SNX22: variants seen among roughly 807,000 people sequenced by gnomAD.
SNX22 encodes the protein sorting nexin 22, also known as sorting nexin-22.
SNX22 carries 23 observed loss-of-function variants against 24.7 expected under a neutral mutation model. The ratio of observed to expected loss-of-function variants is 0.93; its 90% confidence interval spans 0.67 to 1.32. The LOEUF (loss-of-function observed/expected upper bound fraction) is 1.32. SNX22 is among the 40% of genes most tolerant of loss of function. The pLI is 0.00. For synonymous variants in SNX22, 99 were observed against 104.0 expected, an observed-to-expected ratio of 0.95 and a Z score of 0.29; for missense variants, 261 against 249.9, an observed-to-expected ratio of 1.04 and a Z score of -0.30.
chr15:64,152,204 G>A (rs868793889), intron 1 of SNX22, 39 bp from the exon 2 acceptor site: 13 of 1,373,558 alleles, frequency 9.5e-6, no homozygotes, highest in Middle Eastern at 2.5e-4. Context: ...CCTCCCGCGG[G>A]GCCTCACGCG....
chr15:64,152,778 C>T lies in SNX22; in HGVS notation c.264+36C>T, dbSNP rs2081496904. 1.9e-6 allele frequency: 3 copies of T among 1,587,606 alleles called. 1 individual carries two copies. In the South Asian group the frequency reaches 3.3e-5, roughly 18 times the overall value. On this transcript the variant is annotated intron_variant, in intron 3 of 6. Transcript: ENST00000325881. ...GCACAGTTGGTTGCCCCCCGGCCTTCTGTGCCAGGGGTGTGGCCCAGACAG... is the reference window on the plus strand; with the variant it reads ...GCACAGTTGGTTGCCCCCCGGCCTTTTGTGCCAGGGGTGTGGCCCAGACAG...
Position 64,156,029 on chromosome 15 carries a change from C to T in SNX22, c.*1521C>T. The T allele has an allele frequency of 1.2e-6, 2 of 1,614,188 alleles. No individual in the cohort carries two copies. The highest frequency in any genetic ancestry group is 1.7e-6 in the Non-Finnish European group (2 of 1,180,032). ...AGAAAGATGTCCCTGTGCCCTACTC[C>T]TTGGCGATGGCAAAGGGCTTCTCCA... On this transcript the variant is annotated 3_prime_UTR_variant, in exon 7 of 7. Transcript: ENST00000325881. The surrounding 1 kb of genome is among the most constrained non-coding windows in gnomAD (Gnocchi z 6.4).
Position 64,151,976 on chromosome 15 carries a change from C to A in SNX22, c.75+126C>A, listed in dbSNP as rs1373676214. ...CTGCGGGCTGGACCGTCGGGGGAAA[C>A]CTTGTCGAGGGTTTGGGGGCCGCTT... On this transcript the variant is annotated intron_variant, in intron 1 of 6. Transcript: ENST00000325881. The A allele has an allele frequency of 4.9e-6, 5 of 1,023,710 alleles. No individual in the cohort carries two copies. The Admixed American group carries it at 1.7e-4, about 34-fold the overall frequency. The allele number at this position is 1,023,710 out of a possible 1,614,324, so 63.4% of individuals were successfully genotyped here. A position where few individuals can be genotyped will look rare whatever the true frequency, so the allele number is the denominator to read the frequency against.
chr15:64,153,401 T>C, intron 4 of SNX22, 62 bp downstream of exon 4: 1 of 1,606,486 alleles, frequency 6.2e-7, no homozygotes. Context: ...GGAAAGGTGT[T>C]GGAGGGCAAG....
Position 64,156,588 on chromosome 15 carries a change from TG to T in SNX22, c.*2082del. 9.3e-7 allele frequency: 1 copy of T among 1,076,570 alleles called. No homozygotes were observed. Among genetic ancestry groups the T allele is most frequent in the Non-Finnish European group, 1.4e-6 (1 of 694,546 alleles). The allele number at this position is 1,076,570 out of a possible 1,614,324, so 66.7% of individuals were successfully genotyped here. A position where few individuals can be genotyped will look rare whatever the true frequency, so the allele number is the denominator to read the frequency against. ...AGGCATGGAGGTACAGGGTTTATTCTGGACAGGAGCACTGGGCTGCATCTGT... is the reference window on the plus strand; with the variant it reads ...AGGCATGGAGGTACAGGGTTTATTCTGACAGGAGCACTGGGCTGCATCTGT... On this transcript the variant is annotated 3_prime_UTR_variant, in exon 7 of 7. Coordinates refer to ENST00000325881, the MANE Select transcript of SNX22 (RefSeq NM_024798.3). This position sits in a 1 kb window ranked among gnomAD's most constrained non-coding sequence, Gnocchi z 6.4.
chr15:64,154,364 A>C (rs1223924524), intron 6 of SNX22, 23 bp from the exon 7 acceptor site: 3 of 1,613,950 alleles, frequency 1.9e-6, no homozygotes, highest in Admixed American at 3.3e-5. Flanking sequence ...CTGAGGCCAG[A>C]CCTGTTTAAT....
chr15:64,152,717 G>A lies in SNX22; in HGVS notation c.239G>A (p.Arg80Gln), dbSNP rs1169536391. 3 of 1,614,198 alleles carry A rather than the reference G, an allele frequency of 1.9e-6. No homozygotes were observed. The highest frequency in any genetic ancestry group is 2.5e-6 in the Non-Finnish European group (3 of 1,180,024). Reference sequence around the variant, plus strand: ...AGGACCAGAGGGTTGGAACAGCGCCGGCAGGGCTTGGAGGCTTACATCCAG... The same window carrying A: ...AGGACCAGAGGGTTGGAACAGCGCCAGCAGGGCTTGGAGGCTTACATCCAG... ...NWRTRGLEQR[R>Q]QGLEAYIQGI... Residue 80 changes from arginine (R) to glutamine (Q), a missense_variant, in exon 3 of 7, where the codon CGG (arginine) becomes CAG (glutamine). Arg to Gln is a conservative substitution (Grantham distance 43). Coordinates refer to ENST00000325881, the MANE Select transcript of SNX22 (RefSeq NM_024798.3).
chr15:64,154,852 C>A lies in SNX22; in HGVS notation c.*344C>A. The A allele has an allele frequency of 5.6e-6, 1 of 178,690 alleles. No individual in the cohort carries two copies. Among genetic ancestry groups the A allele is most frequent in the Non-Finnish European group, 1.2e-5 (1 of 84,870 alleles). 11.1% of individuals were successfully genotyped at this position (178,690 alleles called of 1,614,324 possible). On this transcript the variant is annotated 3_prime_UTR_variant, in exon 7 of 7. Transcript: ENST00000325881. ...CAGGAGTTCGAGACCAGCCTGACCA[C>A]CATGGAGAAACCCCGTCTCTACTAA...
chr15:64,154,298 C>CT, intron 6 of SNX22, 89 bp from the exon 7 acceptor site: 1 of 1,589,346 alleles, frequency 6.3e-7, no homozygotes, highest in Non-Finnish European at 8.6e-7. Flanking sequence ...TTGGCAGGGG[C>CT]TCCTACTCCC....
Position 64,155,510 on chromosome 15 carries a change from CAA to C in SNX22, c.*1025_*1026del, listed in dbSNP as rs3056904. The C allele has an allele frequency of 1.9e-3, 233 of 124,564 alleles. No homozygotes were observed. Among genetic ancestry groups the C allele is most frequent in the South Asian group, 0.015 (61 of 4,192 alleles). 7.7% of individuals were successfully genotyped at this position (124,564 alleles called of 1,614,324 possible). A position where few individuals can be genotyped will look rare whatever the true frequency, so the allele number is the denominator to read the frequency against. ...GCAACATAGTGAGACCTGTCTCTAC[CAA>C]AAAAAAAAAAAAAAAAAAAAAATCA... On this transcript the variant is annotated 3_prime_UTR_variant, in exon 7 of 7. Transcript: ENST00000325881.
In SNX22 at chr15:64,152,622, G is replaced by A. The variant is rs1387127328; in HGVS notation, c.160-16G>A. ...CAGTCGGGATGCTGTGATCGCACGCGGTAAACCTCCAGTAGATCAAGAAGC... is the reference window on the plus strand; with the variant it reads ...CAGTCGGGATGCTGTGATCGCACGCAGTAAACCTCCAGTAGATCAAGAAGC... On this transcript the variant is annotated splice_polypyrimidine_tract_variant and intron_variant, in intron 2 of 6. Coordinates refer to ENST00000325881, the MANE Select transcript of SNX22 (RefSeq NM_024798.3). 6.2e-7 allele frequency: 1 copy of A among 1,612,066 alleles called. No homozygotes were observed. Among genetic ancestry groups the A allele is most frequent in the Non-Finnish European group, 8.5e-7 (1 of 1,178,366 alleles).
At position 64,157,024 on chromosome 15, in the gene SNX22, G is replaced by A. The variant is rs2081538406; in HGVS notation, c.*2516G>A. The A allele has an allele frequency of 1.8e-6, 2 of 1,090,720 alleles. No homozygotes were observed. Among genetic ancestry groups the A allele is most frequent in the South Asian group, 1.5e-5 (1 of 66,688 alleles). The allele number at this position is 1,090,720 out of a possible 1,614,324, so 67.6% of individuals were successfully genotyped here. On this transcript the variant is annotated 3_prime_UTR_variant, in exon 7 of 7. Coordinates refer to ENST00000325881, the MANE Select transcript of SNX22 (RefSeq NM_024798.3). This position sits in a 1 kb window ranked among gnomAD's most constrained non-coding sequence, Gnocchi z 4.2. Reference sequence around the variant, plus strand: ...CCTCTGTGCCAGGCTAGGCTGGAGTGGACTACAAGGACATAAAAGCAGCGT... The same window carrying A: ...CCTCTGTGCCAGGCTAGGCTGGAGTAGACTACAAGGACATAAAAGCAGCGT...
At position 64,156,131 on chromosome 15, in the gene SNX22, C is replaced by T. The variant is rs775006610; in HGVS notation, c.*1623C>T. The stretch of plus-strand genomic sequence containing the variant: ...GGCTGTCTGTCTTGGTGCTCTCCAC[C>T]TTCCGCACCACCTCCTGGAAAAGAA... On this transcript the variant is annotated 3_prime_UTR_variant, in exon 7 of 7. Coordinates refer to ENST00000325881, the MANE Select transcript of SNX22 (RefSeq NM_024798.3). This position sits in a 1 kb window ranked among gnomAD's most constrained non-coding sequence, Gnocchi z 6.4. 1.9e-6 allele frequency: 3 copies of T among 1,614,210 alleles called. No individual in the cohort carries two copies. Among genetic ancestry groups the T allele is most frequent in the Admixed American group, 3.3e-5 (2 of 60,034 alleles).
intron 2 of SNX22, 128 bp downstream of exon 2, chr15:64,152,454 C>T: frequency 8.0e-7 from 1 of 1,255,388 alleles, no homozygotes; most frequent in South Asian, 1.3e-5. Flanking sequence ...CCTGCGCAGC[C>T]GGTCAGCCCC....
At chr15:64,154,086 TC>T in intron 6 of SNX22, 84 bp downstream of exon 6, 1 of 1,612,972 alleles carries the variant, frequency 6.2e-7, no homozygotes. Context: ...AGACAGCATC[TC>T]CTTCCTGCTG....
At position 64,151,799 on chromosome 15, in the gene SNX22, G is replaced by GGTGGGGCCCGAGGCC. The variant is rs1262509483; in HGVS notation, c.26_40dup (p.Val9_Ala13dup). The GGTGGGGCCCGAGGCC allele has an allele frequency of 7.3e-5, 112 of 1,538,048 alleles. No homozygotes were observed. The highest frequency in any genetic ancestry group is 9.1e-5 in the Non-Finnish European group (104 of 1,144,216). On this transcript the variant is annotated inframe_insertion, in exon 1 of 7. Transcript: ENST00000325881. ...GGATGCTGGAAGTTCACATCCCGTC[G>GGTGGGGCCCGAGGCC]GTGGGGCCCGAGGCCGAGGGGCCCA... is the stretch of plus-strand genomic sequence containing the variant.
chr15:64,154,464 C>T lies in SNX22; in HGVS notation c.538C>T (p.Pro180Ser), dbSNP rs1245274319. ...SFSISPDKAQ[P>S]KAACHPAPLP... The stretch of plus-strand genomic sequence containing the variant: ...CAGCATCAGCCCAGATAAAGCCCAG[C>T]CAAAGGCGGCCTGTCACCCTGCTCC... The change falls in exon 7 of 7, where the codon CCA becomes TCA. Residue 180 changes from proline to serine, a missense_variant. Physicochemically the swap from Pro to Ser is moderately conservative, Grantham distance 74 (BLOSUM62 -1). Transcript: ENST00000325881. 8 of 1,614,018 alleles carry T rather than the reference C, an allele frequency of 5.0e-6. No homozygotes were observed. The highest frequency in any genetic ancestry group is 1.7e-5 in the Admixed American group (1 of 60,006).
Position 64,155,369 on chromosome 15 carries a change from AAATAAAT to A in SNX22, c.*868_*874del, listed in dbSNP as rs1287605835. ...CAAGAGTGAAACTCCGTCTCAAAAT[AAATAAAT>A]AATAAAGGAAGAAGTCAGCTGGGTG... On this transcript the variant is annotated 3_prime_UTR_variant, in exon 7 of 7. Coordinates refer to ENST00000325881, the MANE Select transcript of SNX22 (RefSeq NM_024798.3). 1.3e-5 allele frequency: 2 copies of A among 152,736 alleles called. No homozygotes were observed. Among genetic ancestry groups the A allele is most frequent in the Admixed American group, 6.5e-5 (1 of 15,328 alleles). The allele number at this position is 152,736 out of a possible 1,614,324, so 9.5% of individuals were successfully genotyped here. A position where few individuals can be genotyped will look rare whatever the true frequency, so the allele number is the denominator to read the frequency against.
At position 64,156,939 on chromosome 15, in the gene SNX22, C is replaced by T. The variant is rs759224509; in HGVS notation, c.*2431C>T. 34 of 1,609,310 alleles carry T rather than the reference C, an allele frequency of 2.1e-5. No individual in the cohort carries two copies. The East Asian group carries it at 2.5e-4, about 12-fold the overall frequency. On this transcript the variant is annotated 3_prime_UTR_variant, in exon 7 of 7. Transcript: ENST00000325881. This position sits in a 1 kb window ranked among gnomAD's most constrained non-coding sequence, Gnocchi z 6.4. ...GAAAAAAGACAGAGCAGGTCAGGGG[C>T]GCTGGATTGCGCCAAACCAAGCAGA...
Sources: gnomAD v4.1 joint callset for allele counts on GRCh38, gnomAD v4.1.1 for gene constraint, Gnocchi (gnomAD v3.1) non-coding constraint, MANE v1.5 for transcripts, NCBI Gene and HGNC (gene_info 2026-07-23, HGNC 2026-07-21) for gene names.